Variants in RBPJL observed in about 807,000 individuals in gnomAD.
RBPJL encodes the protein recombining binding protein suppressor of hairless-like protein.
In RBPJL, 50 loss-of-function variants were observed where a neutral mutation model predicts 57.6. The observed-to-expected ratio is 0.87, with a 90% CI of 0.69 to 1.10. RBPJL has a LOEUF of 1.10. RBPJL is among the 50% of genes least tolerant of loss of function. RBPJL has a pLI of 0.00. For synonymous variants in RBPJL, 303 were observed against 294.4 expected (o/e 1.03, Z -0.30); for missense variants, 684 against 693.7 (o/e 0.99, Z 0.16).
rs750305986 is a variant in RBPJL, at chr20:45,314,465, T to C, written c.920T>C (p.Ile307Thr). ...GCGCTCCTTGATGTGGATGAGCCCATCTCCCAGCTGCACAAGTGTGCATTC... is the reference window on the plus strand; with the variant it reads ...GCGCTCCTTGATGTGGATGAGCCCACCTCCCAGCTGCACAAGTGTGCATTC... Reference protein sequence around the residue: ...QCALLDVDEPISQLHKCAFQF... With the variant: ...QCALLDVDEPTSQLHKCAFQF... Residue 307 changes from isoleucine (I) to threonine (T), a missense_variant, in exon 9 of 12, where the codon ATC becomes ACC. Physicochemically the swap from Ile to Thr is moderately conservative, Grantham distance 89. Transcript: ENST00000343694. 6.2e-7 allele frequency: 1 copy of C among 1,614,148 alleles called. No homozygotes were observed. The highest frequency in any genetic ancestry group is 8.5e-7 in the Non-Finnish European group (1 of 1,180,026).
At position 45,316,884 on chromosome 20, in the gene RBPJL, C is replaced by A; in HGVS notation, c.1479C>A (p.Thr493=). The A allele has an allele frequency of 6.2e-7, 1 of 1,613,752 alleles. No individual in the cohort carries two copies. Among genetic ancestry groups the A allele is most frequent in the Non-Finnish European group, 8.5e-7 (1 of 1,179,784 alleles). ...PGHPGVPEPA[T]DADALLESIH... The stretch of plus-strand genomic sequence containing the variant: ...ACCCCGGCGTCCCCGAGCCCGCCAC[C>A]GACGCCGACGCGCTCCTGGAGAGCA... Residue 493 remains threonine (T), a synonymous_variant, in exon 12 of 12, where the codon ACC becomes ACA. Transcript: ENST00000343694.
In RBPJL at chr20:45,313,568, C is replaced by T. The variant is rs1046960356; in HGVS notation, c.720C>T (p.Ala240=). The change falls in exon 7 of 12, where the codon GCC becomes GCT. Residue 240 remains alanine, a synonymous_variant. Transcript: ENST00000343694. The part of the protein sequence containing the change: ...YLSVEDGAFV[A]SARQWAAFTL... ...CTGTGGAGGATGGGGCCTTTGTGGC[C>T]AGTGCACGACAGTGGGCTGCCTTCA... 1 of 1,613,244 alleles carries T rather than the reference C, an allele frequency of 6.2e-7. No homozygotes were observed. Among genetic ancestry groups the T allele is most frequent in the Middle Eastern group, 1.7e-4 (1 of 5,920 alleles).
rs181230093 is a variant in RBPJL, at chr20:45,308,848, G to A, written c.131+597G>A. On this transcript the variant is annotated intron_variant, in intron 2 of 11. Coordinates refer to ENST00000343694, the MANE Select transcript of RBPJL (RefSeq NM_014276.4). ...ACACCGCTCAAGACCCCCAGGTTAA[G>A]AAGCCACCAGACCTCTAGGCTCTAA... 6.2e-3 allele frequency among the ~76,000 whole-genome samples: 947 copies of A among 152,080 alleles called. 15 individuals carry two copies. Among genetic ancestry groups the A allele is most frequent in the Non-Finnish European group, 5.9e-3 (399 of 67,976 alleles).
At chr20:45,311,154 G>A (rs1987144724) in intron 3 of RBPJL, among the ~76,000 whole-genome samples, 1 of 150,274 alleles carries the variant, frequency 6.7e-6, no homozygotes, top group South Asian at 2.1e-4. Flanking sequence ...GAAAGAAACA[G>A]GAAGGAAGGA....
chr20:45,314,165 C>T (rs375463281), intron 8 of RBPJL, 21 bp downstream of exon 8: 23 of 1,583,964 alleles, frequency 1.5e-5, no homozygotes, highest in African/African-American at 4.0e-5. Flanking sequence ...GGAGGGCATG[C>T]CTGGAGGGGT....
At chr20:45,311,538 A>AGCCAAGTG in intron 3 of RBPJL, 51 bp from the exon 4 acceptor site, 1 of 1,573,436 alleles carries the variant, frequency 6.4e-7, no homozygotes, top group Non-Finnish European at 8.7e-7. Context: ...TGCTTACAGG[A>AGCCAAGTG]GAGCCAAGTG....
In RBPJL at chr20:45,312,389, A is replaced by T. The variant is rs1472486638; in HGVS notation, c.613A>T (p.Thr205Ser). 3.1e-6 allele frequency: 5 copies of T among 1,613,236 alleles called. No individual in the cohort carries two copies. The South Asian group carries it at 5.5e-5, about 18-fold the overall frequency. ...GCAGAAGAAGCAGTCGCTGAAAAACACCGATCGTGAGCAGGGCGGGGCCTG... is the reference window on the plus strand; with the variant it reads ...GCAGAAGAAGCAGTCGCTGAAAAACTCCGATCGTGAGCAGGGCGGGGCCTG... The part of the protein sequence containing the change: ...PSQKKQSLKN[T>S]DLCISSGSKV... The change falls in exon 6 of 12, where the codon ACC becomes TCC. Residue 205 changes from threonine to serine, a missense_variant. Transcript: ENST00000343694.
chr20:45,314,191 C>A, intron 8 of RBPJL, 47 bp downstream of exon 8: 1 of 1,517,196 alleles, frequency 6.6e-7, no homozygotes, highest in Non-Finnish European at 9.1e-7. Context: ...CAGATCCATG[C>A]AGAGAATGTG....
intron 9 of RBPJL, 50 bp downstream of exon 9, chr20:45,314,615 A>G: frequency 1.9e-6 from 3 of 1,554,602 alleles, no homozygotes; most frequent in Non-Finnish European, 2.6e-6. Context: ...GGGAGAATGC[A>G]GAGAACCACA....
intron 5 of RBPJL, 126 bp from the exon 6 acceptor site, chr20:45,312,095 T>C: frequency 6.6e-7 from 1 of 1,505,632 alleles, no homozygotes; most frequent in Non-Finnish European, 9.2e-7. Context: ...AGGCCGAGCC[T>C]GAGAGCCTGG....
At chr20:45,314,364 G>A (rs745713869) in intron 8 of RBPJL, 49 bp from the exon 9 acceptor site, 9 of 1,589,392 alleles carry the variant, frequency 5.7e-6, no homozygotes, top group Non-Finnish European at 6.9e-6. Context: ...GCAGCCTCTG[G>A]ACGCCCGGGC....
Position 45,314,017 on chromosome 20 carries a change from G to T in RBPJL, c.758-18G>T, listed in dbSNP as rs199818086. ...GGGGCCGCTGAAAACCTTGTCCCTT[G>T]CTTTTTTTGTCCCCCAGCTGATGGG... is the stretch of plus-strand genomic sequence containing the variant. On this transcript the variant is annotated intron_variant, in intron 7 of 11. Coordinates refer to ENST00000343694, the MANE Select transcript of RBPJL (RefSeq NM_014276.4). The T allele has an allele frequency of 2.5e-4, 396 of 1,592,514 alleles. No homozygotes were observed. The African/African-American group carries it at 4.6e-3, about 19-fold the overall frequency.
chr20:45,311,596 T>C lies in RBPJL; in HGVS notation c.265T>C (p.Cys89Arg). ...ACTCACTTATCTCCGCAGGTTCTTC[T>C]GCCCCCCGCCCTGTGTCTACCTCTC... ...KSYGNEKRFF[C>R]PPPCVYLSGP... is the part of the protein sequence containing the mutation. Residue 89 changes from cysteine to arginine, a missense_variant, in exon 4 of 12, where the codon TGC (cysteine) becomes CGC (arginine). By Grantham distance (180) the Cys-to-Arg change is radical. Coordinates refer to ENST00000343694, the MANE Select transcript of RBPJL (RefSeq NM_014276.4). 1.2e-6 allele frequency: 2 copies of C among 1,614,162 alleles called. No individual in the cohort carries two copies. Among genetic ancestry groups the C allele is most frequent in the Non-Finnish European group, 1.7e-6 (2 of 1,180,012 alleles).
At position 45,316,571 on chromosome 20, in the gene RBPJL, C is replaced by T; in HGVS notation, c.1271C>T (p.Thr424Ile). ...TGGTTTGGGGACGTGGAGGCAGAAA[C>T]CATGTACAGGTACGGGGTGGTGAGG... ...KVWFGDVEAE[T>I]MYRSPRSLVC... The change falls in exon 11 of 12, where the codon ACC becomes ATC. Residue 424 changes from threonine (T) to isoleucine (I), a missense_variant. Physicochemically the swap from Thr to Ile is moderately conservative, Grantham distance 89. Transcript: ENST00000343694. 6.5e-7 allele frequency: 1 copy of T among 1,533,778 alleles called. No homozygotes were observed. The highest frequency in any genetic ancestry group is 8.8e-7 in the Non-Finnish European group (1 of 1,140,432).
rs377717129 is a variant in RBPJL, at chr20:45,306,872, G to A, written c.-51G>A. On this transcript the variant is annotated 5_prime_UTR_variant, in exon 1 of 12. Coordinates refer to ENST00000343694, the MANE Select transcript of RBPJL (RefSeq NM_014276.4). ...GCAGGGTTCCAGCGACAGCAGCACT[G>A]GACTCGTCCAGAGGGCGGCGGGTGA... 64 of 1,245,850 alleles carry A rather than the reference G, an allele frequency of 5.1e-5. No individual in the cohort carries two copies. The African/African-American group carries it at 9.3e-4, about 18-fold the overall frequency. The allele number at this position is 1,245,850 out of a possible 1,614,324, so 77.2% of individuals were successfully genotyped here. A position where few individuals can be genotyped will look rare whatever the true frequency, so the allele number is the denominator to read the frequency against.
Position 45,316,836 on chromosome 20 carries a change from G to A in RBPJL, c.1431G>A (p.Pro477=), listed in dbSNP as rs758161216. The change falls in exon 12 of 12, where the codon CCG becomes CCA. Residue 477 remains proline (P), a synonymous_variant. Transcript: ENST00000343694. ...YPSAFSFTYT[P]EYSVRPGHPG... ...GTGCCTTCTCCTTCACCTACACCCCGGAATACAGCGTGCGGCCGGGTCACC... is the reference window on the plus strand; with the variant it reads ...GTGCCTTCTCCTTCACCTACACCCCAGAATACAGCGTGCGGCCGGGTCACC... 3 of 1,613,888 alleles carry A rather than the reference G, an allele frequency of 1.9e-6. No individual in the cohort carries two copies. The highest frequency in any genetic ancestry group is 1.1e-5 in the South Asian group (1 of 91,078).
rs753053487 is a variant in RBPJL at position 45,316,739 on chromosome 20, A to T, written c.1334A>T (p.Asp445Val). 4.3e-6 allele frequency: 7 copies of T among 1,613,052 alleles called. No individual in the cohort carries two copies. Among genetic ancestry groups the T allele is most frequent in the Non-Finnish European group, 4.2e-6 (5 of 1,179,610 alleles). ...CCGGACGTGGCGGCCTTCTGCAGCGACTGGCGCTGGCTGCGCGCTCCCATC... is the reference window on the plus strand; with the variant it reads ...CCGGACGTGGCGGCCTTCTGCAGCGTCTGGCGCTGGCTGCGCGCTCCCATC... The part of the protein sequence containing the change: ...VVPDVAAFCS[D>V]WRWLRAPITI... Residue 445 changes from aspartate (D) to valine (V), a missense_variant, in exon 12 of 12, where the codon GAC becomes GTC. Asp to Val is a radical substitution (Grantham distance 152). Coordinates refer to ENST00000343694, the MANE Select transcript of RBPJL (RefSeq NM_014276.4).
chr20:45,313,174 G>A (rs115093825), intron 6 of RBPJL, among the ~76,000 whole-genome samples: 1,746 of 152,146 alleles, frequency 0.011, 30 homozygotes, highest in African/African-American at 0.036. Flanking sequence ...TAGCCAGGCC[G>A]GCACAGGGAC....
intron 6 of RBPJL, among the ~76,000 whole-genome samples, 196 bp from the exon 7 acceptor site, chr20:45,313,272 C>G (rs1449391242): frequency 6.6e-6 from 1 of 151,846 alleles, no homozygotes; most frequent in Non-Finnish European, 1.5e-5. Flanking sequence ...CTCACCCTGA[C>G]CCCCTCCCTC....
Sources: allele counts gnomAD v4.1 joint callset (sites outside exome capture counted in the v4.1 genomes callset), GRCh38; gene constraint gnomAD v4.1.1; transcripts MANE v1.5; gene names NCBI Gene and HGNC (gene_info 2026-07-23, HGNC 2026-07-21).